The following HCN1 variants were observed in gnomAD, a reference collection of about 807,000 sequenced individuals.
The protein encoded by HCN1 is potassium/sodium hyperpolarization-activated cyclic nucleotide-gated channel 1.
Under a neutral mutation model 78.9 loss-of-function variants are expected in HCN1, and 13 were observed. The observed-to-expected ratio is 0.16, with a 90% CI of 0.11 to 0.26. The LOEUF (loss-of-function observed/expected upper bound fraction) is 0.26, where lower values mean the gene tolerates loss of function less well. Ranked by LOEUF, HCN1 falls within the 10% of genes least tolerant of loss-of-function variation. The pLI is 1.00. For synonymous variants in HCN1, 552 were observed against 455.5 expected, an observed-to-expected ratio of 1.21 and a Z score of -2.70; for missense variants, 810 against 1,154.3, an observed-to-expected ratio of 0.70 and a Z score of 4.32.
At chr5:45,482,862 G>C (rs747193758) in intron 2 of HCN1, among the ~76,000 whole-genome samples, 15 of 152,086 alleles carry the variant, frequency 9.9e-5, no homozygotes, top group Non-Finnish European at 2.1e-4. Flanking sequence ...TGTAGTATTT[G>C]TTTTTCCATT....
intron 2 of HCN1, among the ~76,000 whole-genome samples, chr5:45,490,839 C>T (rs1439201123): frequency 1.1e-4 from 16 of 152,030 alleles, no homozygotes; most frequent in Non-Finnish European, 1.5e-5. Context: ...AGAATAGAAA[C>T]CATCCTTTCC....
chr5:45,510,257 C>T lies in HCN1; in HGVS notation c.850-48250G>A, dbSNP rs79635976. Among the ~76,000 whole-genome samples the T allele has an allele frequency of 3.1e-3, 471 of 152,156 alleles. 13 individuals are homozygous for T. The East Asian group carries it at 0.072, about 23-fold the overall frequency. ...CCAAAAGGTAAGTGTTCAGATGAGT[C>T]TTCCTAAACAATTATGAGATTTCCA... is the stretch of plus-strand genomic sequence containing the variant. On this transcript the variant is annotated intron_variant, in intron 2 of 7. Coordinates refer to ENST00000303230, the MANE Select transcript of HCN1 (RefSeq NM_021072.4).
At chr5:45,677,987 C>T (rs1580045823) in intron 1 of HCN1, among the ~76,000 whole-genome samples, 1 of 70,392 alleles carries the variant, frequency 1.4e-5, no homozygotes. Flanking sequence ...TACACACACA[C>T]ATACACACAC....
chr5:45,496,334 G>C (rs1479010291), intron 2 of HCN1, among the ~76,000 whole-genome samples: 1 of 151,700 alleles, frequency 6.6e-6, no homozygotes, highest in African/African-American at 2.4e-5. Flanking sequence ...TCTTGGGAGA[G>C]TGTATGTGTC....
intron 2 of HCN1, among the ~76,000 whole-genome samples, chr5:45,582,187 T>C (rs1477178942): frequency 6.6e-6 from 1 of 152,146 alleles, no homozygotes; most frequent in African/African-American, 2.4e-5. Flanking sequence ...TGTATCCTCT[T>C]TTATTTCCTT....
intron 2 of HCN1, among the ~76,000 whole-genome samples, chr5:45,566,953 A>C (rs2111893541): frequency 6.6e-6 from 1 of 152,282 alleles, no homozygotes; most frequent in Middle Eastern, 3.4e-3. Context: ...TTTCTCTCTG[A>C]TACAGGTTAT....
At chr5:45,547,988 T>C (rs1436225319) in intron 2 of HCN1, among the ~76,000 whole-genome samples, 3 of 151,982 alleles carry the variant, frequency 2.0e-5, no homozygotes, top group Non-Finnish European at 4.4e-5. Flanking sequence ...CTAGATATAA[T>C]ACATCATATC....
At chr5:45,339,824 G>A (rs940246030) in intron 5 of HCN1, among the ~76,000 whole-genome samples, 3 of 152,174 alleles carry the variant, frequency 2.0e-5, no homozygotes, top group Non-Finnish European at 2.9e-5. Flanking sequence ...TTTGTCAGAG[G>A]ATGCACGTAA....
chr5:45,374,128 A>G (rs373966284), intron 4 of HCN1, among the ~76,000 whole-genome samples: 17 of 105,302 alleles, frequency 1.6e-4, no homozygotes, highest in African/African-American at 4.9e-4. Context: ...TATATATAAT[A>G]TATATTATAT....
At chr5:45,650,082 A>T (rs1265345049) in intron 1 of HCN1, among the ~76,000 whole-genome samples, 2 of 152,118 alleles carry the variant, frequency 1.3e-5, no homozygotes, top group Admixed American at 6.6e-5. Context: ...TGCCCCAGAG[A>T]AAAAGTATTT....
intron 6 of HCN1, among the ~76,000 whole-genome samples, chr5:45,281,741 C>A (rs1397733676): frequency 2.0e-5 from 3 of 151,746 alleles, no homozygotes; most frequent in East Asian, 3.9e-4. Context: ...GTGCCCGCCA[C>A]CACGCCCGGG....
intron 1 of HCN1, among the ~76,000 whole-genome samples, chr5:45,687,727 C>A (rs1297505128): frequency 2.6e-5 from 4 of 152,064 alleles, no homozygotes; most frequent in Non-Finnish European, 5.9e-5. Context: ...GTCTGGTTAT[C>A]TTTTGCTTTC....
intron 3 of HCN1, among the ~76,000 whole-genome samples, chr5:45,399,826 A>C (rs1579869065): frequency 1.3e-5 from 2 of 152,304 alleles, no homozygotes; most frequent in Admixed American, 1.3e-4. Context: ...TATCCTCTCT[A>C]TATATGTATT....
chr5:45,595,945 A>G (rs1028214118), intron 2 of HCN1, among the ~76,000 whole-genome samples: 2 of 151,528 alleles, frequency 1.3e-5, no homozygotes, highest in Non-Finnish European at 2.9e-5. Flanking sequence ...GCTGGAGTGC[A>G]GTGGCACGAT....
intron 2 of HCN1, among the ~76,000 whole-genome samples, chr5:45,584,728 G>T (rs1744169583): frequency 6.6e-6 from 1 of 152,130 alleles, no homozygotes; most frequent in Non-Finnish European, 1.5e-5. Context: ...AGGCCTGGTG[G>T]TGACAAAATC....
intron 3 of HCN1, among the ~76,000 whole-genome samples, chr5:45,413,823 C>T (rs1321536811): frequency 6.6e-6 from 1 of 151,584 alleles, no homozygotes; most frequent in Non-Finnish European, 1.5e-5. Context: ...TTTTCAAAGA[C>T]AATAATCTAC....
At chr5:45,504,165 T>A (rs1290320671) in intron 2 of HCN1, among the ~76,000 whole-genome samples, 1 of 152,112 alleles carries the variant, frequency 6.6e-6, no homozygotes, top group Non-Finnish European at 1.5e-5. Flanking sequence ...GTTTGTTACA[T>A]ATGTATACAT....
At chr5:45,512,198 T>C (rs1742429946) in intron 2 of HCN1, among the ~76,000 whole-genome samples, 1 of 152,102 alleles carries the variant, frequency 6.6e-6, no homozygotes, top group Admixed American at 6.6e-5. Flanking sequence ...CAATCACATT[T>C]AATTCATTTT....
chr5:45,371,837 T>G (rs1217854642), intron 4 of HCN1, among the ~76,000 whole-genome samples: 1 of 130,372 alleles, frequency 7.7e-6, no homozygotes, highest in East Asian at 2.1e-4. Flanking sequence ...CTATTTATAT[T>G]ATATATAAAA....
Sources: gnomAD v4.1 joint callset for allele counts (sites outside exome capture counted in the v4.1 genomes callset) on GRCh38, gnomAD v4.1.1 for gene constraint, MANE v1.5 for transcripts, NCBI Gene and HGNC (gene_info 2026-07-23, HGNC 2026-07-21) for gene names.